ZBED3: variants seen among roughly 807,000 people sequenced by gnomAD.
ZBED3 encodes zinc finger BED-type containing 3.
For missense variants in ZBED3, 388 were observed against 362.9 expected (o/e 1.07, Z -0.56); for synonymous variants, 175 against 180.0 (o/e 0.97, Z 0.22).
chr5:77,080,787 C>T (rs1001580088), intron 1 of ZBED3, among the ~76,000 whole-genome samples: 23 of 152,116 alleles, frequency 1.5e-4, no homozygotes, highest in Admixed American at 9.8e-4. Flanking sequence ...AGGGGCCTGT[C>T]GTGGGGTGGC....
Position 77,077,843 on chromosome 5 carries a change from C to G in ZBED3, c.36G>C (p.Gln12His). The change falls in exon 3 of 3, where the codon CAG (glutamine) becomes CAC (histidine). Residue 12 changes from glutamine (Q) to histidine (H), a missense_variant. Physicochemically the swap from Gln to His is conservative, Grantham distance 24. Transcript: ENST00000255198. ...CCGCCGCGTCGTCCAGCCCGCGGGC[C>G]TGGTCCATGGTGCAGGCCGGCTCGC... is the stretch of plus-strand genomic sequence containing the variant. ...RSGEPACTMD[Q>H]ARGLDDAAAR... The G allele has an allele frequency of 7.7e-7, 1 of 1,292,514 alleles. No individual in the cohort carries two copies. Among genetic ancestry groups the G allele is most frequent in the Non-Finnish European group, 9.7e-7 (1 of 1,025,900 alleles). 80.1% of individuals were successfully genotyped at this position (1,292,514 alleles called of 1,614,324 possible). A position where few individuals can be genotyped will look rare whatever the true frequency, so the allele number is the denominator to read the frequency against.
At chr5:77,084,468 C>T (rs1044197612) in intron 1 of ZBED3, among the ~76,000 whole-genome samples, 2 of 151,766 alleles carry the variant, frequency 1.3e-5, no homozygotes, top group African/African-American at 4.9e-5. Context: ...CTTTCGCCTT[C>T]CGCCTTCCGC....
Position 77,073,668 on chromosome 5 carries a change from G to A in ZBED3, c.*3506C>T, listed in dbSNP as rs1742923264. On this transcript the variant is annotated 3_prime_UTR_variant, in exon 3 of 3. Coordinates refer to ENST00000255198, the MANE Select transcript of ZBED3 (RefSeq NM_032367.4). The stretch of plus-strand genomic sequence containing the variant: ...GCATTAAATCTTTATTGACTAAACA[G>A]CTTAAAAAATTACTACTATTTCCTT... The A allele has an allele frequency of 6.6e-6, 1 of 152,060 alleles. No individual in the cohort carries two copies. Among genetic ancestry groups the A allele is most frequent in the Non-Finnish European group, 1.5e-5 (1 of 68,000 alleles). 9.4% of individuals were successfully genotyped at this position (152,060 alleles called of 1,614,324 possible). A position where few individuals can be genotyped will look rare whatever the true frequency, so the allele number is the denominator to read the frequency against.
intron 1 of ZBED3, chr5:77,080,469 G>C (rs369738806): frequency 9.9e-5 from 51 of 513,096 alleles, no homozygotes; most frequent in African/African-American, 8.8e-4. Flanking sequence ...CCCTCCAAGG[G>C]TGGCAAGGGG....
Position 77,077,712 on chromosome 5 carries a change from G to A in ZBED3, c.167C>T (p.Pro56Leu). 7.4e-7 allele frequency: 1 copy of A among 1,348,116 alleles called. No homozygotes were observed. Among genetic ancestry groups the A allele is most frequent in the Non-Finnish European group, 9.5e-7 (1 of 1,055,142 alleles). 83.5% of individuals were successfully genotyped at this position (1,348,116 alleles called of 1,614,324 possible). Reference sequence around the variant, plus strand: ...GCCCGACGGATGCCCGGGGCGCCCCGGCGCCAGGTGGAAGTAGCCCCAGGC... The same window carrying A: ...GCCCGACGGATGCCCGGGGCGCCCCAGCGCCAGGTGGAAGTAGCCCCAGGC... ...SEAWGYFHLA[P>L]GRPGHPSGHW... Residue 56 changes from proline to leucine, a missense_variant, in exon 3 of 3, where the codon CCG becomes CTG. Pro to Leu is a moderately conservative substitution (Grantham distance 98, BLOSUM62 -3). Coordinates refer to ENST00000255198, the MANE Select transcript of ZBED3 (RefSeq NM_032367.4).
chr5:77,079,384 T>A (rs946456237), intron 1 of ZBED3: 6 of 152,206 alleles, frequency 3.9e-5, no homozygotes. Flanking sequence ...TGGGAAAAAC[T>A]GAAGACAAAG....
chr5:77,082,112 C>A (rs1409212212), intron 1 of ZBED3, among the ~76,000 whole-genome samples: 1 of 151,924 alleles, frequency 6.6e-6, no homozygotes, highest in Non-Finnish European at 1.5e-5. Flanking sequence ...ACTAAAAATA[C>A]AAAAATTAGC....
In ZBED3 at chr5:77,075,969, A is replaced by ATATATG. The variant is rs1380894446; in HGVS notation, c.*1204_*1205insCATATA. ...CATATATATATATATATATATATGTATATGTATATATGTATATATATATGT... is the reference window on the plus strand; with the variant it reads ...CATATATATATATATATATATATGTATATATGTATGTATATATGTATATATATATGT... On this transcript the variant is annotated 3_prime_UTR_variant, in exon 3 of 3. Coordinates refer to ENST00000255198, the MANE Select transcript of ZBED3 (RefSeq NM_032367.4). 9.4e-3 allele frequency: 190 copies of ATATATG among 20,138 alleles called. 43 individuals carry two copies. Among genetic ancestry groups the ATATATG allele is most frequent in the African/African-American group, 0.023 (105 of 4,630 alleles). 1.2% of individuals were successfully genotyped at this position (20,138 alleles called of 1,614,324 possible).
chr5:77,075,556 C>T lies in ZBED3; in HGVS notation c.*1618G>A, dbSNP rs1444402356. On this transcript the variant is annotated 3_prime_UTR_variant, in exon 3 of 3. Coordinates refer to ENST00000255198, the MANE Select transcript of ZBED3 (RefSeq NM_032367.4). The stretch of plus-strand genomic sequence containing the variant: ...AATACTCAGGGGTCGAAATGTCATT[C>T]TATGTACACATGCATGGGGTGGAGA... 2 of 152,088 alleles carry T rather than the reference C, an allele frequency of 1.3e-5. No homozygotes were observed. Among genetic ancestry groups the T allele is most frequent in the African/African-American group, 4.8e-5 (2 of 41,410 alleles). 9.4% of individuals were successfully genotyped at this position (152,088 alleles called of 1,614,324 possible).
Position 77,077,099 on chromosome 5 carries a change from C to T in ZBED3, c.*75G>A. Reference sequence around the variant, plus strand: ...GCGGGCCTGGCTTCGGTTACGGCTTCGGTCCCAGCGGGGTCTGAAGGCATT... The same window carrying T: ...GCGGGCCTGGCTTCGGTTACGGCTTTGGTCCCAGCGGGGTCTGAAGGCATT... On this transcript the variant is annotated 3_prime_UTR_variant, in exon 3 of 3. Coordinates refer to ENST00000255198, the MANE Select transcript of ZBED3 (RefSeq NM_032367.4). The T allele has an allele frequency of 8.7e-7, 1 of 1,150,272 alleles. No individual in the cohort carries two copies. Among genetic ancestry groups the T allele is most frequent in the Non-Finnish European group, 1.1e-6 (1 of 900,528 alleles). 71.3% of individuals were successfully genotyped at this position (1,150,272 alleles called of 1,614,324 possible). A position where few individuals can be genotyped will look rare whatever the true frequency, so the allele number is the denominator to read the frequency against.
At chr5:77,082,515 G>A (rs1274042428) in intron 1 of ZBED3, among the ~76,000 whole-genome samples, 1 of 152,212 alleles carries the variant, frequency 6.6e-6, no homozygotes, top group Non-Finnish European at 1.5e-5. Flanking sequence ...GGAAAAGGAT[G>A]AAGTTCTGTT....
chr5:77,078,917 CT>C (rs1433116272), intron 1 of ZBED3, 189 bp from the exon 2 acceptor site: 1 of 152,168 alleles, frequency 6.6e-6, no homozygotes, highest in Non-Finnish European at 1.5e-5. Context: ...AAAAGATCCC[CT>C]CTACATATTT....
chr5:77,077,198 G>T lies in ZBED3; in HGVS notation c.681C>A (p.Cys227Ter). 6.7e-7 allele frequency: 1 copy of T among 1,501,126 alleles called. No individual in the cohort carries two copies. Among genetic ancestry groups the T allele is most frequent in the Non-Finnish European group, 8.8e-7 (1 of 1,131,164 alleles). 93.0% of individuals were successfully genotyped at this position (1,501,126 alleles called of 1,614,324 possible). The change falls in exon 3 of 3, where the codon TGC (cysteine) becomes TGA (stop). Residue 227 changes from cysteine to a stop codon, truncating the protein, a stop_gained. Transcript: ENST00000255198. LOFTEE classifies it high-confidence loss of function. The stretch of plus-strand genomic sequence containing the variant: ...CCTACAGGAGGACCTTTGTGATGAC[G>T]CAGCCGTCCCTGTCACCCTCGGGGT... Reference protein sequence around the residue: ...KDDPEGDRDGCVITKVLL With the variant: ...KDDPEGDRDG
In ZBED3 at chr5:77,073,138, A is replaced by G. The variant is rs1324172884; in HGVS notation, c.*4036T>C. On this transcript the variant is annotated 3_prime_UTR_variant, in exon 3 of 3. Coordinates refer to ENST00000255198, the MANE Select transcript of ZBED3 (RefSeq NM_032367.4). ...ATACTTTGTGTAAAAAATTACAACA[A>G]TGCAGAAGTGTATAAAGCAGAAAGT... is the stretch of plus-strand genomic sequence containing the variant. 6.6e-6 allele frequency: 1 copy of G among 152,194 alleles called. No homozygotes were observed. Among genetic ancestry groups the G allele is most frequent in the Non-Finnish European group, 1.5e-5 (1 of 68,042 alleles). 9.4% of individuals were successfully genotyped at this position (152,194 alleles called of 1,614,324 possible).
rs1010378402 is a variant in ZBED3 at position 77,077,147 on chromosome 5, T to A, written c.*27A>T. 12 of 1,401,468 alleles carry A rather than the reference T, an allele frequency of 8.6e-6. No individual in the cohort carries two copies. Among genetic ancestry groups the A allele is most frequent in the Non-Finnish European group, 1.1e-5 (12 of 1,078,208 alleles). The allele number at this position is 1,401,468 out of a possible 1,614,324, so 86.8% of individuals were successfully genotyped here. Reference sequence around the variant, plus strand: ...ATTGGCATTGGACGGAGAAGCGCTGTCCTGGGGTGGGGAAGTGGCCACACC... The same window carrying A: ...ATTGGCATTGGACGGAGAAGCGCTGACCTGGGGTGGGGAAGTGGCCACACC... On this transcript the variant is annotated 3_prime_UTR_variant, in exon 3 of 3. Transcript: ENST00000255198.
At position 77,075,553 on chromosome 5, in the gene ZBED3, A is replaced by C. The variant is rs1422517967; in HGVS notation, c.*1621T>G. 3 of 152,148 alleles carry C rather than the reference A, an allele frequency of 2.0e-5. No individual in the cohort carries two copies. The highest frequency in any genetic ancestry group is 7.2e-5 in the African/African-American group (3 of 41,446). The allele number at this position is 152,148 out of a possible 1,614,324, so 9.4% of individuals were successfully genotyped here. On this transcript the variant is annotated 3_prime_UTR_variant, in exon 3 of 3. Coordinates refer to ENST00000255198, the MANE Select transcript of ZBED3 (RefSeq NM_032367.4). Reference sequence around the variant, plus strand: ...GGTAATACTCAGGGGTCGAAATGTCATTCTATGTACACATGCATGGGGTGG... The same window carrying C: ...GGTAATACTCAGGGGTCGAAATGTCCTTCTATGTACACATGCATGGGGTGG...
rs3928426 is a variant in ZBED3 at position 77,075,967 on chromosome 5, G to T, written c.*1207C>A. The T allele has an allele frequency of 2.3e-4, 7 of 30,634 alleles. No homozygotes were observed. The highest frequency in any genetic ancestry group is 7.6e-4 in the African/African-American group (7 of 9,198). The allele number at this position is 30,634 out of a possible 1,614,324, so 1.9% of individuals were successfully genotyped here. A position where few individuals can be genotyped will look rare whatever the true frequency, so the allele number is the denominator to read the frequency against. ...TACATATATATATATATATATATAT[G>T]TATATGTATATATGTATATATATAT... On this transcript the variant is annotated 3_prime_UTR_variant, in exon 3 of 3. Transcript: ENST00000255198.
At chr5:77,077,922 G>T in intron 2 of ZBED3, 27 bp from the exon 3 acceptor site, 1 of 1,238,310 alleles carries the variant, frequency 8.1e-7, no homozygotes, top group Non-Finnish European at 1.0e-6. Flanking sequence ...GAATAATAAT[G>T]AGTGTTAGGA....
chr5:77,077,676 G>A lies in ZBED3; in HGVS notation c.203C>T (p.Thr68Ile). Residue 68 changes from threonine (T) to isoleucine (I), a missense_variant, in exon 3 of 3, where the codon ACC (threonine) becomes ATC (isoleucine). Thr to Ile is a moderately conservative substitution (Grantham distance 89, BLOSUM62 -1). Coordinates refer to ENST00000255198, the MANE Select transcript of ZBED3 (RefSeq NM_032367.4). ...RPGHPSGHWATCRLCGEQVGR... is the reference protein window; with the variant it reads ...RPGHPSGHWAICRLCGEQVGR... ...CACCTGCTCCCCGCACAGACGGCAGGTGGCCCAGTGGCCCGACGGATGCCC... is the reference window on the plus strand; with the variant it reads ...CACCTGCTCCCCGCACAGACGGCAGATGGCCCAGTGGCCCGACGGATGCCC... 3 of 1,370,564 alleles carry A rather than the reference G, an allele frequency of 2.2e-6. No homozygotes were observed. The highest frequency in any genetic ancestry group is 2.8e-6 in the Non-Finnish European group (3 of 1,066,904). The allele number at this position is 1,370,564 out of a possible 1,614,324, so 84.9% of individuals were successfully genotyped here.
Sources: gnomAD v4.1 joint callset for allele counts (sites outside exome capture counted in the v4.1 genomes callset) on GRCh38, gnomAD v4.1.1 for gene constraint, MANE v1.5 for transcripts, NCBI Gene and HGNC (gene_info 2026-07-23, HGNC 2026-07-21) for gene names.